NXPE2: variants seen among roughly 807,000 people sequenced by gnomAD.
The protein encoded by NXPE2 is neurexophilin and PC-esterase domain family member 2, also known as NXPE family member 2.
A neutral mutation model predicts 34.4 loss-of-function variants in NXPE2; 34 were observed. That is an observed-to-expected ratio of 0.99 (90% CI 0.75 to 1.31). NXPE2 has a LOEUF of 1.31. NXPE2 is among the 40% of genes most tolerant of loss of function. The pLI, the probability that NXPE2 is intolerant of heterozygous loss-of-function variation, is 0.00. For synonymous variants in NXPE2, 235 were observed against 231.3 expected (o/e 1.02, Z -0.15); for missense variants, 649 against 672.5 (o/e 0.97, Z 0.39).
At chr11:114,683,087 C>T (rs1188353403) in intron 2 of NXPE2, among the ~76,000 whole-genome samples, 1 of 151,920 alleles carries the variant, frequency 6.6e-6, no homozygotes, top group Non-Finnish European at 1.5e-5. Context: ...AAATATAAAA[C>T]CTGATCTATA....
At chr11:114,630,855 T>A in the NXPE2 span, among the ~76,000 whole-genome samples, 1 of 151,546 alleles carries the variant, frequency 6.6e-6, no homozygotes, top group Non-Finnish European at 1.5e-5. Context: ...CATCAAAAAG[T>A]GGGCAAAGGA....
At chr11:114,477,273 A>G in the NXPE2 span, among the ~76,000 whole-genome samples, 1 of 152,168 alleles carries the variant, frequency 6.6e-6, no homozygotes, top group Non-Finnish European at 1.5e-5. Context: ...AAGATGAGAA[A>G]GCTCTGGAGA....
the NXPE2 span, among the ~76,000 whole-genome samples, chr11:114,485,876 A>G: frequency 6.6e-6 from 1 of 152,162 alleles, no homozygotes; most frequent in Non-Finnish European, 1.5e-5. Context: ...TATATGTACT[A>G]CATTTTCTTT....
Position 114,698,797 on chromosome 11 carries a change from A to G in NXPE2, c.866+19A>G, listed in dbSNP as rs767603826. On this transcript the variant is annotated intron_variant, in intron 3 of 5. Coordinates refer to ENST00000389586, the MANE Select transcript of NXPE2 (RefSeq NM_182495.6). ...TCCACAGGTAAAGAGGCTTTTAAATACAATAGCAGATAAAAAGAGGTATCC... is the reference window on the plus strand; with the variant it reads ...TCCACAGGTAAAGAGGCTTTTAAATGCAATAGCAGATAAAAAGAGGTATCC... 1 of 1,471,080 alleles carries G rather than the reference A, an allele frequency of 6.8e-7. No homozygotes were observed. Among genetic ancestry groups the G allele is most frequent in the Non-Finnish European group, 9.0e-7 (1 of 1,113,452 alleles). The allele number at this position is 1,471,080 out of a possible 1,614,324, so 91.1% of individuals were successfully genotyped here.
the NXPE2 span, among the ~76,000 whole-genome samples, chr11:114,640,683 T>A: frequency 6.6e-6 from 1 of 152,072 alleles, no homozygotes; most frequent in Non-Finnish European, 1.5e-5. Context: ...ATTATGCTTT[T>A]AATTTCCATT....
At chr11:114,656,788 A>AATAGTAACT in the NXPE2 span, among the ~76,000 whole-genome samples, 1 of 152,098 alleles carries the variant, frequency 6.6e-6, no homozygotes, top group South Asian at 2.1e-4. Flanking sequence ...ATACCCTTAA[A>AATAGTAACT]ATAGTAACTA....
the NXPE2 span, among the ~76,000 whole-genome samples, chr11:114,627,912 A>C: frequency 2.0e-5 from 3 of 151,970 alleles, no homozygotes; most frequent in Non-Finnish European, 4.4e-5. Flanking sequence ...AAAGATCAAA[A>C]GAGACAAAGA....
At chr11:114,789,945 G>A in the NXPE2 span, among the ~76,000 whole-genome samples, 1 of 152,194 alleles carries the variant, frequency 6.6e-6, no homozygotes, top group African/African-American at 2.4e-5. Context: ...GTACTCAAAT[G>A]TTTGCTGATG....
the NXPE2 span, among the ~76,000 whole-genome samples, chr11:114,798,043 C>A: frequency 1.3e-5 from 2 of 152,098 alleles, no homozygotes; most frequent in African/African-American, 4.8e-5. Flanking sequence ...GCAATTGTGC[C>A]CAGATCCTTC....
the NXPE2 span, chr11:114,513,042 C>G: frequency 4.5e-6 from 2 of 446,008 alleles, no homozygotes; most frequent in Non-Finnish European, 9.1e-6. Context: ...TCTGACCCCC[C>G]CCAGAACAAA....
At chr11:114,627,062 C>T in the NXPE2 span, among the ~76,000 whole-genome samples, 2,199 of 151,816 alleles carry the variant, frequency 0.014, 31 homozygotes, top group African/African-American at 0.05. Flanking sequence ...CTGAAAGTGA[C>T]GGGGTGAATG....
At chr11:114,697,376 G>A (rs764966104) in intron 2 of NXPE2, among the ~76,000 whole-genome samples, 5 of 152,210 alleles carry the variant, frequency 3.3e-5, no homozygotes, top group Non-Finnish European at 7.3e-5. Flanking sequence ...CAGGAGTTAG[G>A]AGACATGTAT....
the NXPE2 span, among the ~76,000 whole-genome samples, chr11:114,592,233 G>T: frequency 1.5e-3 from 231 of 152,178 alleles, no homozygotes; most frequent in African/African-American, 5.1e-3. Flanking sequence ...AAATTAAATT[G>T]TCCCTGTTTG....
the NXPE2 span, among the ~76,000 whole-genome samples, chr11:114,777,535 A>G: frequency 6.6e-6 from 1 of 152,100 alleles, no homozygotes; most frequent in Non-Finnish European, 1.5e-5. Flanking sequence ...CTTTCCTGGG[A>G]GTGTTGAAGA....
the NXPE2 span, chr11:114,554,445 T>A: frequency 5.5e-6 from 5 of 907,468 alleles, no homozygotes; most frequent in Non-Finnish European, 6.6e-6. Context: ...ATGGGCCCTT[T>A]GATAATCAGT....
the NXPE2 span, among the ~76,000 whole-genome samples, chr11:114,600,739 T>C: frequency 6.6e-6 from 1 of 152,098 alleles, no homozygotes; most frequent in Admixed American, 6.6e-5. Context: ...ATTTCACTGA[T>C]AGTTACTAGT....
the NXPE2 span, among the ~76,000 whole-genome samples, chr11:114,602,865 T>C: frequency 4.1e-5 from 6 of 147,158 alleles, no homozygotes; most frequent in South Asian, 1.3e-3. Context: ...AATTATCTCA[T>C]ATATAATTAT....
At chr11:114,636,494 C>T in the NXPE2 span, among the ~76,000 whole-genome samples, 1 of 151,668 alleles carries the variant, frequency 6.6e-6, no homozygotes, top group East Asian at 1.9e-4. Flanking sequence ...TTATTTCTTG[C>T]CTTCTGCTAG....
At chr11:114,792,117 A>C in the NXPE2 span, among the ~76,000 whole-genome samples, 1,121 of 152,334 alleles carry the variant, frequency 7.4e-3, no homozygotes, top group Non-Finnish European at 0.013. Flanking sequence ...ATGCAGGTAC[A>C]GGATTGGGAT....
Sources: gnomAD v4.1 joint callset for allele counts (sites outside exome capture counted in the v4.1 genomes callset) on GRCh38, gnomAD v4.1.1 for gene constraint, MANE v1.5 for transcripts, NCBI Gene and HGNC (gene_info 2026-07-23, HGNC 2026-07-21) for gene names.